Variants in PFDN1 observed in about 807,000 individuals in gnomAD.
The protein encoded by PFDN1 is prefoldin 1.
A neutral mutation model predicts 17.3 loss-of-function variants in PFDN1; 6 were observed. The observed-to-expected ratio is 0.35, with a 90% CI of 0.19 to 0.69. PFDN1 has a LOEUF of 0.69. PFDN1 is among the 30% of genes least tolerant of loss of function. The probability of loss-of-function intolerance (pLI) is 0.65; values close to 1 mark genes in which losing one functional copy is unlikely to be tolerated. For missense variants in PFDN1, 113 were observed against 146.2 expected (o/e 0.77, Z 1.17); for synonymous variants, 58 against 50.1 (o/e 1.16, Z -0.67).
At chr5:140,276,240 G>A (rs1405106143) in intron 3 of PFDN1, among the ~76,000 whole-genome samples, 3 of 152,146 alleles carry the variant, frequency 2.0e-5, no homozygotes, top group African/African-American at 7.2e-5. Flanking sequence ...TTACTCAACT[G>A]GTGAGAGTTT....
intron 3 of PFDN1, among the ~76,000 whole-genome samples, chr5:140,259,174 G>A (rs1163393989): frequency 1.3e-5 from 2 of 152,178 alleles, no homozygotes; most frequent in Non-Finnish European, 2.9e-5. Flanking sequence ...GGCTAGAAAG[G>A]GGAGCGCTAC....
At chr5:140,247,189 T>C (rs1764843119) in intron 3 of PFDN1, among the ~76,000 whole-genome samples, 1 of 151,726 alleles carries the variant, frequency 6.6e-6, no homozygotes, top group African/African-American at 2.4e-5. Flanking sequence ...AGTGCAATGG[T>C]GCAATCACGG....
At chr5:140,282,332 T>G (rs191705743) in intron 2 of PFDN1, among the ~76,000 whole-genome samples, 1 of 151,948 alleles carries the variant, frequency 6.6e-6, no homozygotes, top group East Asian at 1.9e-4. Flanking sequence ...TAAGTTTTGT[T>G]TTTTCAGTTA....
chr5:140,273,109 G>A (rs996544562), intron 3 of PFDN1, among the ~76,000 whole-genome samples: 2 of 152,162 alleles, frequency 1.3e-5, no homozygotes, highest in South Asian at 4.2e-4. Context: ...GCCGGGCATG[G>A]TGGCATGCAC....
chr5:140,247,709 C>T (rs1323232810), intron 3 of PFDN1, among the ~76,000 whole-genome samples: 2 of 152,160 alleles, frequency 1.3e-5, no homozygotes, highest in African/African-American at 4.8e-5. Flanking sequence ...GAGGCCAAGG[C>T]GGGCAGATCA....
At chr5:140,250,477 T>C (rs1323744108) in intron 3 of PFDN1, among the ~76,000 whole-genome samples, 1 of 152,112 alleles carries the variant, frequency 6.6e-6, no homozygotes, top group Non-Finnish European at 1.5e-5. Flanking sequence ...TGCCCAATAC[T>C]CCCTATTCTC....
At chr5:140,266,114 T>G (rs1448385372) in intron 3 of PFDN1, among the ~76,000 whole-genome samples, 1 of 152,190 alleles carries the variant, frequency 6.6e-6, no homozygotes, top group Non-Finnish European at 1.5e-5. Flanking sequence ...TTGTGGAGAA[T>G]GAGTGACATA....
intron 3 of PFDN1, among the ~76,000 whole-genome samples, chr5:140,267,626 T>C (rs2126684343): frequency 6.6e-6 from 1 of 152,318 alleles, no homozygotes; most frequent in Admixed American, 6.5e-5. Context: ...TTACAGACAG[T>C]AGCCAGGGCT....
intron 2 of PFDN1, among the ~76,000 whole-genome samples, chr5:140,288,042 C>T (rs1765523553): frequency 6.6e-6 from 1 of 152,154 alleles, no homozygotes; most frequent in Admixed American, 6.5e-5. Flanking sequence ...TCTTACAAAG[C>T]TTAACAGATG....
In PFDN1 at chr5:140,248,993, G is replaced by A. The variant is rs368972062; in HGVS notation, c.286-2936C>T. On this transcript the variant is annotated intron_variant, in intron 3 of 3. Transcript: ENST00000261813. ...TTTTTAATTAGTTTAAATAAACGTA[G>A]TAGACATTTCTTAAAAGAAAAAATT... is the stretch of plus-strand genomic sequence containing the variant. Among the ~76,000 whole-genome samples the A allele has an allele frequency of 7.5e-4, 114 of 152,330 alleles. No individual in the cohort carries two copies. The Middle Eastern group carries it at 0.02, about 27-fold the overall frequency.
At chr5:140,284,048 T>C (rs753921462) in intron 2 of PFDN1, among the ~76,000 whole-genome samples, 2 of 152,254 alleles carry the variant, frequency 1.3e-5, no homozygotes, top group Non-Finnish European at 2.9e-5. Context: ...AGTCATTACT[T>C]ATGTGGCCTT....
chr5:140,271,783 G>C (rs1279759396), intron 3 of PFDN1, among the ~76,000 whole-genome samples: 1 of 151,902 alleles, frequency 6.6e-6, no homozygotes, highest in Non-Finnish European at 1.5e-5. Flanking sequence ...GCAATGAAAT[G>C]AACAACTCAC....
intron 3 of PFDN1, chr5:140,262,460 C>T: frequency 2.2e-6 from 1 of 449,620 alleles, no homozygotes; most frequent in South Asian, 1.6e-5. Context: ...CAGAAGCCAC[C>T]AAGTTCATGA....
chr5:140,245,627 C>T lies in PFDN1; in HGVS notation c.*347G>A, dbSNP rs1192468663. On this transcript the variant is annotated 3_prime_UTR_variant, in exon 4 of 4. Transcript: ENST00000261813. ...CATCCCTCTGCTCAAGAAAACCAGG[C>T]TTAGCAGAGTGGGACAGACGCTTTT... 5.7e-6 allele frequency: 4 copies of T among 699,244 alleles called. No individual in the cohort carries two copies. The East Asian group carries it at 1.1e-4, about 19-fold the overall frequency. The allele number at this position is 699,244 out of a possible 1,614,324, so 43.3% of individuals were successfully genotyped here.
intron 3 of PFDN1, among the ~76,000 whole-genome samples, chr5:140,277,336 T>C (rs2126690169): frequency 1.3e-5 from 2 of 152,220 alleles, no homozygotes; most frequent in Middle Eastern, 3.4e-3. Flanking sequence ...AACTTAAATA[T>C]GTTATAAAAA....
intron 2 of PFDN1, among the ~76,000 whole-genome samples, chr5:140,290,183 C>T (rs1765558517): frequency 6.6e-6 from 1 of 152,090 alleles, no homozygotes; most frequent in South Asian, 2.1e-4. Flanking sequence ...GAATTGAGTT[C>T]TAGGCTGAAT....
Position 140,245,284 on chromosome 5 carries a change from C to T in PFDN1, c.*690G>A, listed in dbSNP as rs1764812091. On this transcript the variant is annotated 3_prime_UTR_variant, in exon 4 of 4. Coordinates refer to ENST00000261813, the MANE Select transcript of PFDN1 (RefSeq NM_002622.5). ...ATGGCGTCCATCTTATGATATTGGC[C>T]AAAAGGAGACAGTCTTGGAGGTGCT... The T allele has an allele frequency of 1.8e-6, 1 of 570,604 alleles. No individual in the cohort carries two copies. The highest frequency in any genetic ancestry group is 3.1e-6 in the Non-Finnish European group (1 of 318,694). The allele number at this position is 570,604 out of a possible 1,614,324, so 35.3% of individuals were successfully genotyped here.
intron 3 of PFDN1, among the ~76,000 whole-genome samples, chr5:140,273,100 C>A (rs1490399831): frequency 6.6e-6 from 1 of 152,050 alleles, no homozygotes; most frequent in Non-Finnish European, 1.5e-5. Context: ...CAAAAATTAG[C>A]CGGGCATGGT....
intron 2 of PFDN1, among the ~76,000 whole-genome samples, chr5:140,290,639 G>A (rs1266567528): frequency 6.6e-6 from 1 of 152,154 alleles, no homozygotes; most frequent in Non-Finnish European, 1.5e-5. Context: ...CACATTAGCA[G>A]CAGCCTGGAG....
Sources: gnomAD v4.1 joint callset for allele counts (sites outside exome capture counted in the v4.1 genomes callset) on GRCh38, gnomAD v4.1.1 for gene constraint, MANE v1.5 for transcripts, NCBI Gene and HGNC (gene_info 2026-07-23, HGNC 2026-07-21) for gene names.